The following CSMD2 variants were observed in gnomAD, a reference collection of about 807,000 sequenced individuals.
CSMD2 encodes the protein CUB and sushi domain-containing protein 2.
CSMD2 carries 130 observed loss-of-function variants against 398.5 expected under a neutral mutation model. The observed-to-expected ratio is 0.33, with a 90% CI of 0.28 to 0.38. The LOEUF (loss-of-function observed/expected upper bound fraction) is 0.38. Ranked by LOEUF, CSMD2 falls within the 10% of genes least tolerant of loss-of-function variation. CSMD2 has a pLI of 1.00. For synonymous variants in CSMD2, 1,828 were observed against 1,908.5 expected, an observed-to-expected ratio of 0.96 and a Z score of 1.10; for missense variants, 3,829 against 4,764.9, an observed-to-expected ratio of 0.80 and a Z score of 5.78.
chr1:33,768,175 A>G (rs1489363962), intron 13 of CSMD2, among the ~76,000 whole-genome samples: 1 of 152,208 alleles, frequency 6.6e-6, no homozygotes. Flanking sequence ...ACAGACTTTA[A>G]TCATAGCCTC....
chr1:33,714,044 TC>T (rs1183037436), intron 21 of CSMD2, among the ~76,000 whole-genome samples: 2 of 152,172 alleles, frequency 1.3e-5, no homozygotes, highest in Non-Finnish European at 2.9e-5. Context: ...ATGTAGTGGG[TC>T]ATCTATAAAT....
chr1:34,043,750 G>A (rs1652152034), intron 2 of CSMD2, among the ~76,000 whole-genome samples: 1 of 152,172 alleles, frequency 6.6e-6, no homozygotes, highest in African/African-American at 2.4e-5. Flanking sequence ...ACTTTCAAGA[G>A]AGGTCTAAAC....
chr1:33,791,530 G>A (rs1654313249), intron 11 of CSMD2, among the ~76,000 whole-genome samples: 1 of 152,080 alleles, frequency 6.6e-6, no homozygotes, highest in Non-Finnish European at 1.5e-5. Context: ...CTGTCACCCA[G>A]GCTAGAGTGT....
chr1:34,151,615 G>A (rs1420081190), intron 1 of CSMD2, among the ~76,000 whole-genome samples: 6 of 152,136 alleles, frequency 3.9e-5, no homozygotes, highest in Non-Finnish European at 5.9e-5. Flanking sequence ...TGGCAGAGAA[G>A]GGAGAGGAAA....
intron 2 of CSMD2, among the ~76,000 whole-genome samples, chr1:34,046,496 C>A (rs375671363): frequency 1.2e-4 from 18 of 152,228 alleles, no homozygotes; most frequent in African/African-American, 4.3e-4. Flanking sequence ...CTTTGGGAAC[C>A]TTTGCATTAC....
chr1:34,082,127 C>A (rs9425989), intron 2 of CSMD2, among the ~76,000 whole-genome samples: 1 of 146,236 alleles, frequency 6.8e-6, no homozygotes, highest in African/African-American at 2.5e-5. Context: ...TCTGCCCGGC[C>A]GCCCCGTCTG....
chr1:33,635,250 T>A lies in CSMD2; in HGVS notation c.5050A>T (p.Ile1684Phe). The change falls in exon 31 of 71, where the codon ATC becomes TTC. Residue 1684 changes from isoleucine (I) to phenylalanine (F), a missense_variant. Coordinates refer to ENST00000373381, the MANE Select transcript of CSMD2 (RefSeq NM_001281956.2). The surrounding 1 kb of genome is among the most constrained non-coding windows in gnomAD (Gnocchi z 5.0). Reference sequence around the variant, plus strand: ...GGCACAGTAACAAAATACAAGCAGATCTGTCCACTGGTGTAGTTCTGGGGG... The same window carrying A: ...GGCACAGTAACAAAATACAAGCAGAACTGTCCACTGGTGTAGTTCTGGGGG... The part of the protein sequence containing the change: ...NYPQNYTSGQ[I>F]CLYFVTVPKD... The A allele has an allele frequency of 6.2e-7, 1 of 1,613,474 alleles. No homozygotes were observed.
intron 32 of CSMD2, among the ~76,000 whole-genome samples, chr1:33,632,472 C>T (rs1557651269): frequency 6.6e-6 from 1 of 151,956 alleles, no homozygotes; most frequent in Non-Finnish European, 1.5e-5. Flanking sequence ...AATAAATTCA[C>T]AAATAAAAAA....
chr1:33,944,082 G>A (rs922863926), intron 3 of CSMD2, among the ~76,000 whole-genome samples: 1 of 152,106 alleles, frequency 6.6e-6, no homozygotes, highest in Non-Finnish European at 1.5e-5. Context: ...TCCATGCAGT[G>A]TGAAAGCAGC....
chr1:33,872,433 T>C (rs770057107), intron 5 of CSMD2, among the ~76,000 whole-genome samples: 7 of 152,006 alleles, frequency 4.6e-5, no homozygotes, highest in Non-Finnish European at 7.4e-5. Context: ...TTCAGAAAGA[T>C]CAAAAGATCA....
chr1:33,953,431 A>C (rs574049981), intron 3 of CSMD2, among the ~76,000 whole-genome samples: 1 of 152,074 alleles, frequency 6.6e-6, no homozygotes, highest in East Asian at 1.9e-4. Flanking sequence ...TGCAGCCTCA[A>C]CCTGTGCCAA....
chr1:34,152,457 C>T (rs1327725133), intron 1 of CSMD2, among the ~76,000 whole-genome samples: 1 of 152,168 alleles, frequency 6.6e-6, no homozygotes, highest in Non-Finnish European at 1.5e-5. Context: ...AGCCAGCCAT[C>T]CCCCTTCTCC....
intron 1 of CSMD2, among the ~76,000 whole-genome samples, chr1:34,140,373 C>G (rs1639172236): frequency 6.6e-6 from 1 of 150,894 alleles, no homozygotes; most frequent in Non-Finnish European, 1.5e-5. Flanking sequence ...AAGGGGACAG[C>G]AGGCTGAAAT....
At chr1:34,074,391 G>A (rs776570960) in intron 2 of CSMD2, among the ~76,000 whole-genome samples, 10 of 152,160 alleles carry the variant, frequency 6.6e-5, no homozygotes, top group Non-Finnish European at 8.8e-5. Context: ...TGGTGGAGCT[G>A]GCCCGGGCCA....
intron 3 of CSMD2, among the ~76,000 whole-genome samples, chr1:34,000,991 G>T (rs1300440031): frequency 6.6e-6 from 1 of 150,952 alleles, no homozygotes; most frequent in African/African-American, 2.4e-5. Flanking sequence ...AGGGGAGAAG[G>T]AGAAAGGGGA....
chr1:34,162,270 G>A (rs926903735), intron 1 of CSMD2, among the ~76,000 whole-genome samples: 1 of 151,718 alleles, frequency 6.6e-6, no homozygotes, highest in Non-Finnish European at 1.5e-5. Context: ...GGGGGAGGGG[G>A]AGTGCAAGGC....
At chr1:33,818,081 C>A (rs1345134061) in intron 9 of CSMD2, among the ~76,000 whole-genome samples, 1 of 152,218 alleles carries the variant, frequency 6.6e-6, no homozygotes, top group Non-Finnish European at 1.5e-5. Context: ...AAGAGAACAA[C>A]CTTCCTCTAG....
At chr1:33,605,855 C>T in intron 41 of CSMD2, 1 of 1,610,566 alleles carries the variant, frequency 6.2e-7, no homozygotes, top group Non-Finnish European at 8.5e-7. Context: ...TTGCTTATCT[C>T]ATTGAACCTT....
At chr1:33,812,984 T>A (rs1299038214) in intron 9 of CSMD2, 2 of 152,176 alleles carry the variant, frequency 1.3e-5, no homozygotes, top group African/African-American at 4.8e-5. Flanking sequence ...AAAGCCCTGA[T>A]TCCGTCCCAC....
Sources: allele counts gnomAD v4.1 joint callset (sites outside exome capture counted in the v4.1 genomes callset), GRCh38; gene constraint gnomAD v4.1.1; non-coding constraint Gnocchi (gnomAD v3.1); transcripts MANE v1.5; gene names NCBI Gene and HGNC (gene_info 2026-07-23, HGNC 2026-07-21).